The following QTGAL variants were observed in gnomAD, a reference collection of about 807,000 sequenced individuals.
QTGAL encodes the protein queuosine-tRNA galactosyltransferase, also known as BGnT-like protein 1.
At chr17:82,964,464 C>T in the QTGAL span, among the ~76,000 whole-genome samples, 1 of 152,110 alleles carries the variant, frequency 6.6e-6, no homozygotes, top group South Asian at 2.1e-4. Flanking sequence ...ACACAAAAAA[C>T]AATAGACATA....
chr17:82,989,287 C>G, the QTGAL span, among the ~76,000 whole-genome samples: 1 of 151,332 alleles, frequency 6.6e-6, no homozygotes, highest in Non-Finnish European at 1.5e-5. Flanking sequence ...TAAGTGGGAG[C>G]TGAACAATGA....
the QTGAL span, chr17:82,961,310 C>T: frequency 5.4e-5 from 62 of 1,156,182 alleles, no homozygotes; most frequent in Middle Eastern, 1.1e-3. Flanking sequence ...GCAAAGAAAC[C>T]GGTCTAGAGG....
At chr17:83,010,262 A>G in the QTGAL span, among the ~76,000 whole-genome samples, 920 of 152,114 alleles carry the variant, frequency 6.0e-3, 4 homozygotes, top group Middle Eastern at 0.017. Context: ...TTCGGCCGCC[A>G]CTCCTGAGCA....
chr17:82,986,566 T>C, the QTGAL span, among the ~76,000 whole-genome samples: 1 of 152,222 alleles, frequency 6.6e-6, no homozygotes, highest in Non-Finnish European at 1.5e-5. Context: ...CCCCCGCTTT[T>C]CCGCGTGACA....
chr17:83,046,216 G>A, the QTGAL span, among the ~76,000 whole-genome samples: 2 of 152,132 alleles, frequency 1.3e-5, no homozygotes, highest in Non-Finnish European at 2.9e-5. Context: ...TGCAACCTCT[G>A]CCTCCCGGGT....
chr17:82,947,075 C>T, the QTGAL span: 3 of 1,035,726 alleles, frequency 2.9e-6, no homozygotes, highest in South Asian at 4.3e-5. Flanking sequence ...TGGGGGTGGC[C>T]TGTGTCCACC....
At chr17:82,973,305 T>C in the QTGAL span, among the ~76,000 whole-genome samples, 3 of 151,202 alleles carry the variant, frequency 2.0e-5, no homozygotes, top group East Asian at 1.9e-4. Flanking sequence ...TGTGACCATC[T>C]GTGGGTTTTT....
the QTGAL span, chr17:82,947,106 T>C: frequency 5.3e-6 from 4 of 751,588 alleles, no homozygotes; most frequent in Non-Finnish European, 8.6e-6. Flanking sequence ...TCTGCTCCTC[T>C]GCTAATAGCG....
the QTGAL span, chr17:83,051,625 CGA>C: frequency 9.0e-7 from 1 of 1,110,726 alleles, no homozygotes; most frequent in Non-Finnish European, 1.2e-6. Context: ...TAGGTGAGCC[CGA>C]GAGGCGGTGC....
At chr17:83,005,528 C>A in the QTGAL span, 3 of 698,148 alleles carry the variant, frequency 4.3e-6, no homozygotes, top group South Asian at 4.5e-5. The surrounding 1 kb of genome is among the most constrained non-coding windows in gnomAD (Gnocchi z 5.6). Context: ...TTAATGAACT[C>A]AAATCAAATG....
chr17:82,991,423 G>A, the QTGAL span, among the ~76,000 whole-genome samples: 142 of 152,228 alleles, frequency 9.3e-4, no homozygotes, highest in African/African-American at 3.3e-3. Context: ...TTCCGATTTC[G>A]CTTCTCTCTC....
the QTGAL span, among the ~76,000 whole-genome samples, chr17:82,974,258 A>T: frequency 2.6e-5 from 4 of 152,086 alleles, no homozygotes; most frequent in African/African-American, 4.8e-5. Flanking sequence ...ACGCGTGCTG[A>T]CTGAGGCCGC....
chr17:82,947,156 C>G, the QTGAL span: 1 of 567,200 alleles, frequency 1.8e-6, no homozygotes, highest in Non-Finnish European at 3.1e-6. Flanking sequence ...AGGGCAGCAG[C>G]CGGCACTGCT....
the QTGAL span, among the ~76,000 whole-genome samples, chr17:82,977,964 C>T: frequency 6.6e-6 from 1 of 152,334 alleles, no homozygotes; most frequent in East Asian, 1.9e-4. Flanking sequence ...TCCCAAGCTC[C>T]TCCTGCCCTG....
the QTGAL span, among the ~76,000 whole-genome samples, chr17:82,977,862 G>A: frequency 3.9e-5 from 6 of 152,174 alleles, no homozygotes; most frequent in African/African-American, 1.4e-4. Flanking sequence ...GTACGCTCTA[G>A]TACTTCCTGC....
chr17:82,972,852 CT>C, the QTGAL span, among the ~76,000 whole-genome samples: 123 of 69,734 alleles, frequency 1.8e-3, no homozygotes, highest in African/African-American at 5.6e-3. Context: ...CCACACCACA[CT>C]CATAGGGGCC....
At chr17:83,004,703 C>T in the QTGAL span, among the ~76,000 whole-genome samples, 38 of 126,164 alleles carry the variant, frequency 3.0e-4, no homozygotes, top group South Asian at 7.6e-4. Context: ...ATTCCTGAGC[C>T]CGCCCTCCCA....
the QTGAL span, among the ~76,000 whole-genome samples, chr17:83,033,673 G>A: frequency 2.0e-5 from 3 of 151,854 alleles, no homozygotes; most frequent in African/African-American, 2.4e-5. Context: ...GGGTTTCACC[G>A]TGTTAGCCAG....
the QTGAL span, among the ~76,000 whole-genome samples, chr17:83,024,447 C>T: frequency 5.3e-5 from 8 of 152,276 alleles, no homozygotes; most frequent in Non-Finnish European, 1.0e-4. Flanking sequence ...AAGACAGGCG[C>T]GGACGTGGCC....
Sources: allele counts gnomAD v4.1 joint callset (sites outside exome capture counted in the v4.1 genomes callset), GRCh38; gene constraint gnomAD v4.1.1; non-coding constraint Gnocchi (gnomAD v3.1); transcripts MANE v1.5; gene names NCBI Gene and HGNC (gene_info 2026-07-23, HGNC 2026-07-21).